TRIM35: variants seen among roughly 807,000 people sequenced by gnomAD.
TRIM35 encodes the protein E3 ubiquitin-protein ligase TRIM35.
TRIM35 carries 37 observed loss-of-function variants against 49.1 expected under a neutral mutation model. The ratio of observed to expected loss-of-function variants is 0.75; its 90% CI spans 0.58 to 0.99. The LOEUF is 0.99. Ranked by LOEUF, TRIM35 falls within the 50% of genes least tolerant of loss-of-function variation. The pLI, the probability that TRIM35 is intolerant of heterozygous loss-of-function variation, is 0.00. For synonymous variants in TRIM35, 302 were observed against 289.3 expected, an observed-to-expected ratio of 1.04 and a Z score of -0.45; for missense variants, 648 against 702.7, an observed-to-expected ratio of 0.92 and a Z score of 0.88.
At chr8:27,308,917 C>T (rs1382070826) in intron 1 of TRIM35, among the ~76,000 whole-genome samples, 1 of 152,232 alleles carries the variant, frequency 6.6e-6, no homozygotes, top group African/African-American at 2.4e-5. Flanking sequence ...CCTTAAATTC[C>T]CTCAGTGCCT....
At chr8:27,308,907 C>G (rs1280904379) in intron 1 of TRIM35, among the ~76,000 whole-genome samples, 1 of 152,196 alleles carries the variant, frequency 6.6e-6, no homozygotes, top group Non-Finnish European at 1.5e-5. Context: ...TTCTAACTAC[C>G]CTTAAATTCC....
chr8:27,285,622 T>C lies in TRIM35; in HGVS notation c.*1928A>G, dbSNP rs966036678. 3.0e-5 allele frequency: 4 copies of C among 132,896 alleles called. No homozygotes were observed. The highest frequency in any genetic ancestry group is 1.1e-4 in the African/African-American group (4 of 35,248). The allele number at this position is 132,896 out of a possible 1,614,324, so 8.2% of individuals were successfully genotyped here. A position where few individuals can be genotyped will look rare whatever the true frequency, so the allele number is the denominator to read the frequency against. Reference sequence around the variant, plus strand: ...TGCCAAAAGAAAAATGAGTTTTAGCTCAAATTTTTTTTTAAGAGGCCTAGC... The same window carrying C: ...TGCCAAAAGAAAAATGAGTTTTAGCCCAAATTTTTTTTTAAGAGGCCTAGC... On this transcript the variant is annotated 3_prime_UTR_variant, in exon 6 of 6. Transcript: ENST00000305364.
intron 3 of TRIM35, among the ~76,000 whole-genome samples, chr8:27,293,526 G>C (rs1237510401): frequency 1.3e-5 from 2 of 151,968 alleles, no homozygotes; most frequent in Non-Finnish European, 2.9e-5. Flanking sequence ...GAGAGTAAGA[G>C]AGAGGGCAAG....
Position 27,298,239 on chromosome 8 carries a change from C to G in TRIM35, c.531+225G>C, listed in dbSNP as rs573134946. Among the ~76,000 whole-genome samples the G allele has an allele frequency of 9.2e-5, 14 of 152,314 alleles. No homozygotes were observed. In the South Asian group the frequency reaches 2.7e-3, roughly 29 times the overall value. ...ATGGTGTTGGTAGCTTTTTAAGTCA[C>G]TCCTGTGGCTGCTGGCATGACCACG... On this transcript the variant is annotated intron_variant, in intron 2 of 5. Coordinates refer to ENST00000305364, the MANE Select transcript of TRIM35 (RefSeq NM_171982.5).
At chr8:27,302,845 T>C (rs1586053179) in intron 1 of TRIM35, among the ~76,000 whole-genome samples, 1 of 152,232 alleles carries the variant, frequency 6.6e-6, no homozygotes. Context: ...GAAATCTCAG[T>C]GCAAAAATAT....
chr8:27,293,929 C>T, intron 3 of TRIM35, 151 bp downstream of exon 3: 1 of 665,468 alleles, frequency 1.5e-6, no homozygotes, highest in Non-Finnish European at 2.5e-6. Flanking sequence ...AGTTTCATGA[C>T]ACAAGCAGAG....
chr8:27,289,344 C>T, intron 4 of TRIM35, 64 bp from the exon 5 acceptor site: 1 of 1,348,020 alleles, frequency 7.4e-7, no homozygotes, highest in South Asian at 1.2e-5. Context: ...CGAACTGGGC[C>T]AACTGGAAAC....
At chr8:27,309,797 A>G (rs1301149965) in intron 1 of TRIM35, among the ~76,000 whole-genome samples, 1 of 151,970 alleles carries the variant, frequency 6.6e-6, no homozygotes, top group Non-Finnish European at 1.5e-5. Flanking sequence ...AGCCTGGCCA[A>G]CATGGTGAAA....
rs1162315090 is a variant in TRIM35 at position 27,288,068 on chromosome 8, T to A, written c.964A>T (p.Thr322Ser). Residue 322 changes from threonine (T) to serine (S), a missense_variant, in exon 6 of 6, where the codon ACC becomes TCC. Coordinates refer to ENST00000305364, the MANE Select transcript of TRIM35 (RefSeq NM_171982.5). Reference protein sequence around the residue: ...AGWLSVSDDLTSVTNHGYRVQ... With the variant: ...AGWLSVSDDLSSVTNHGYRVQ... ...CGGTAGCCATGGTTGGTGACGCTGG[T>A]GAGGTCGTCAGACACGGAGAGCCAG... 6.2e-7 allele frequency: 1 copy of A among 1,612,588 alleles called. No homozygotes were observed. The highest frequency in any genetic ancestry group is 8.5e-7 in the Non-Finnish European group (1 of 1,179,972).
chr8:27,308,019 G>A (rs1802822758), intron 1 of TRIM35, among the ~76,000 whole-genome samples: 1 of 152,152 alleles, frequency 6.6e-6, no homozygotes, highest in Non-Finnish European at 1.5e-5. Context: ...AGTAGAACTG[G>A]TCAAAGAAGT....
At position 27,310,884 on chromosome 8, in the gene TRIM35, G is replaced by C; in HGVS notation, c.352C>G (p.Leu118Val). The change falls in exon 1 of 6, where the codon CTG (leucine) becomes GTG (valine). Residue 118 changes from leucine to valine, a missense_variant. Transcript: ENST00000305364. ...TCGGCCTGGCAGGAGCAGCACAGCA[G>C]CTCCTTGTCCTCGAGGCAGAAGAGG... ...LSLFCLEDKE[L>V]LCCSCQADPR... The C allele has an allele frequency of 1.2e-6, 2 of 1,612,986 alleles. No homozygotes were observed. The highest frequency in any genetic ancestry group is 2.2e-5 in the East Asian group (1 of 44,866).
At chr8:27,300,201 G>T (rs946857477) in intron 1 of TRIM35, among the ~76,000 whole-genome samples, 1 of 152,206 alleles carries the variant, frequency 6.6e-6, no homozygotes, top group Non-Finnish European at 1.5e-5. Context: ...CTACAAATGT[G>T]AGTGTAAATA....
rs1346766632 is a variant in TRIM35 at position 27,287,863 on chromosome 8, T to A, written c.1169A>T (p.His390Leu). The A allele has an allele frequency of 2.5e-6, 4 of 1,612,940 alleles. No individual in the cohort carries two copies. Among genetic ancestry groups the A allele is most frequent in the Non-Finnish European group, 2.5e-6 (3 of 1,179,776 alleles). ...ATACCAGAAGCCCGAGCGTGTGTCG[T>A]GGTAGCAGCTGTGTGAGTGGCCCTC... The part of the protein sequence containing the change: ...GAEGHSHSCY[H>L]DTRSGFWYVC... Residue 390 changes from histidine (H) to leucine (L), a missense_variant, in exon 6 of 6, where the codon CAC (histidine) becomes CTC (leucine). His to Leu is a moderately conservative substitution (Grantham distance 99). Coordinates refer to ENST00000305364, the MANE Select transcript of TRIM35 (RefSeq NM_171982.5). The surrounding 1 kb of genome is among the most constrained non-coding windows in gnomAD (Gnocchi z 6.0).
At position 27,289,244 on chromosome 8, in the gene TRIM35, G is replaced by A. The variant is rs368087549; in HGVS notation, c.822C>T (p.Pro274=). The change falls in exon 5 of 6, where the codon CCC becomes CCT. Residue 274 remains proline (P), a synonymous_variant. Coordinates refer to ENST00000305364, the MANE Select transcript of TRIM35 (RefSeq NM_171982.5). Reference sequence around the variant, plus strand: ...ACTTGCAGACATCGATAAGCATGCCGGGCTGGACTGGCTCTGGCTCCATGG... The same window carrying A: ...ACTTGCAGACATCGATAAGCATGCCAGGCTGGACTGGCTCTGGCTCCATGG... ...FCTMEPEPVQ[P]GMLIDVCKYL... is the part of the protein sequence containing the mutation. 2.2e-5 allele frequency: 35 copies of A among 1,613,988 alleles called. No individual in the cohort carries two copies. The highest frequency in any genetic ancestry group is 9.3e-5 in the African/African-American group (7 of 74,922).
At chr8:27,298,597 A>C (rs1447299682) in intron 1 of TRIM35, 38 bp from the exon 2 acceptor site, 1 of 1,571,368 alleles carries the variant, frequency 6.4e-7, no homozygotes, top group Non-Finnish European at 8.8e-7. Flanking sequence ...AAGACAGGTT[A>C]GGGCTGGAGG....
At position 27,294,194 on chromosome 8, in the gene TRIM35, C is replaced by T. The variant is rs749779296; in HGVS notation, c.648G>A (p.Lys216=). The change falls in exon 3 of 6, where the codon AAG becomes AAA. Residue 216 remains lysine (K), a synonymous_variant. Coordinates refer to ENST00000305364, the MANE Select transcript of TRIM35 (RefSeq NM_171982.5). Reference sequence around the variant, plus strand: ...TCATCTTCTCGTCGGCCAGAAGTTGCTTCTGCCTTGTCTCCTCGGCCATGG... The same window carrying T: ...TCATCTTCTCGTCGGCCAGAAGTTGTTTCTGCCTTGTCTCCTCGGCCATGG... ...LDAMAEETRQ[K]QLLADEKMKQ... The T allele has an allele frequency of 3.1e-6, 5 of 1,614,248 alleles. No homozygotes were observed. The highest frequency in any genetic ancestry group is 4.2e-6 in the Non-Finnish European group (5 of 1,180,044).
Position 27,286,367 on chromosome 8 carries a change from A to G in TRIM35, c.*1183T>C. ...GGCCCAGCCTCCTCTTCCCTCTCCC[A>G]CAGCGTTTAGGGCCACGTCCATGGC... is the stretch of plus-strand genomic sequence containing the variant. On this transcript the variant is annotated 3_prime_UTR_variant, in exon 6 of 6. Transcript: ENST00000305364. The G allele has an allele frequency of 2.8e-6, 1 of 354,300 alleles. No homozygotes were observed. The highest frequency in any genetic ancestry group is 5.6e-6 in the Non-Finnish European group (1 of 179,632). 21.9% of individuals were successfully genotyped at this position (354,300 alleles called of 1,614,324 possible). A position where few individuals can be genotyped will look rare whatever the true frequency, so the allele number is the denominator to read the frequency against.
chr8:27,290,434 C>A (rs543584430), intron 3 of TRIM35, among the ~76,000 whole-genome samples: 1 of 152,288 alleles, frequency 6.6e-6, no homozygotes, highest in East Asian at 1.9e-4. Context: ...AGAGCCCTCA[C>A]AAATGGATTA....
intron 1 of TRIM35, among the ~76,000 whole-genome samples, chr8:27,308,794 T>C (rs1802840365): frequency 6.6e-6 from 1 of 152,194 alleles, no homozygotes; most frequent in African/African-American, 2.4e-5. Context: ...ATCCTGAGTG[T>C]CCACTGACTT....
Sources: gnomAD v4.1 joint callset for allele counts (sites outside exome capture counted in the v4.1 genomes callset) on GRCh38, gnomAD v4.1.1 for gene constraint, Gnocchi (gnomAD v3.1) non-coding constraint, MANE v1.5 for transcripts, NCBI Gene and HGNC (gene_info 2026-07-23, HGNC 2026-07-21) for gene names.